EYS: variants seen among roughly 807,000 people sequenced by gnomAD.
The protein encoded by EYS is EGF-like photoreceptor maintenance factor.
In EYS, 250 loss-of-function variants were observed where a neutral mutation model predicts 282.1. The observed-to-expected ratio is 0.89, with a 90% CI of 0.80 to 0.98. The LOEUF is 0.98. EYS is among the 50% of genes least tolerant of loss of function. The pLI, the probability that EYS is intolerant of heterozygous loss-of-function variation, is 0.00. For synonymous variants in EYS, 1,355 were observed against 1,282.9 expected, an observed-to-expected ratio of 1.06 and a Z score of -1.20; for missense variants, 4,016 against 3,709.0, an observed-to-expected ratio of 1.08 and a Z score of -2.15.
chr6:65,480,508 C>T (rs1402625738), intron 5 of EYS, among the ~76,000 whole-genome samples: 2 of 152,022 alleles, frequency 1.3e-5, no homozygotes, highest in Non-Finnish European at 2.9e-5. Context: ...TATATTTCTG[C>T]CATTTCCTCA....
At chr6:64,693,005 C>T (rs1770446625) in intron 22 of EYS, among the ~76,000 whole-genome samples, 1 of 12,314 alleles carries the variant, frequency 8.1e-5, no homozygotes, top group African/African-American at 2.2e-4. Context: ...TTTTTGGTTC[C>T]AGAGGAATTT....
At position 65,410,747 on chromosome 6, in the gene EYS, CCT is replaced by C. The variant is rs555479126; in HGVS notation, c.863-5382_863-5381del. The stretch of plus-strand genomic sequence containing the variant: ...GTATACCAAAGAGATATTTTTACCC[CCT>C]GTTTATTGCAGCATGATTTATAATA... On this transcript the variant is annotated intron_variant, in intron 5 of 42. Transcript: ENST00000503581. Among the ~76,000 whole-genome samples the C allele has an allele frequency of 4.2e-3, 637 of 151,792 alleles. 4 individuals are homozygous for C. The highest frequency in any genetic ancestry group is 0.014 in the African/African-American group (596 of 41,442).
intron 31 of EYS, among the ~76,000 whole-genome samples, chr6:64,108,143 C>A (rs116324154): frequency 1.3e-5 from 2 of 152,048 alleles, no homozygotes; most frequent in East Asian, 3.9e-4. Flanking sequence ...ATTTTGAGGA[C>A]CTGATAGGGT....
intron 26 of EYS, among the ~76,000 whole-genome samples, chr6:64,492,469 T>TG (rs919614989): frequency 6.6e-6 from 1 of 151,112 alleles, no homozygotes; most frequent in Non-Finnish European, 1.5e-5. Flanking sequence ...GTCCTGTTTT[T>TG]TTGTTGTTGT....
chr6:64,659,610 C>T (rs932747480), intron 22 of EYS, among the ~76,000 whole-genome samples: 3 of 152,166 alleles, frequency 2.0e-5, no homozygotes, highest in African/African-American at 7.2e-5. Context: ...ATAAACACCT[C>T]TAAGCAAATA....
rs1044964991 is a variant in EYS, at chr6:65,271,747, T to C, written c.2023+24116A>G. On this transcript the variant is annotated intron_variant, in intron 12 of 42. Coordinates refer to ENST00000503581, the MANE Select transcript of EYS (RefSeq NM_001142800.2). ...ACAGGAGTGCACTACCACATCCAGC[T>C]AATTTTTTGTATTTTTAGTAGAGAC... Among the ~76,000 whole-genome samples the C allele has an allele frequency of 1.3e-4, 19 of 151,996 alleles. 1 individual carries two copies. The highest frequency in any genetic ancestry group is 4.6e-4 in the Admixed American group (7 of 15,246).
intron 2 of EYS, among the ~76,000 whole-genome samples, chr6:65,621,512 G>T (rs1425484088): frequency 6.7e-6 from 1 of 149,746 alleles, no homozygotes; most frequent in African/African-American, 2.5e-5. Context: ...TATCCAATTT[G>T]CCAGTCTGTG....
At position 65,539,345 on chromosome 6, in the gene EYS, A is replaced by G. The variant is rs1291491399; in HGVS notation, c.-332-43352T>C. Reference sequence around the variant, plus strand: ...ACTTTGATTTAAATTATAACACTACATAAGCCAAAGACATAGTTCTCATTC... The same window carrying G: ...ACTTTGATTTAAATTATAACACTACGTAAGCCAAAGACATAGTTCTCATTC... On this transcript the variant is annotated intron_variant, in intron 2 of 42. Coordinates refer to ENST00000503581, the MANE Select transcript of EYS (RefSeq NM_001142800.2). Among the ~76,000 whole-genome samples, 5 of 152,214 alleles carry G rather than the reference A, an allele frequency of 3.3e-5. No homozygotes were observed. The East Asian group carries it at 9.6e-4, about 29-fold the overall frequency.
At chr6:65,132,356 A>G (rs568508501) in intron 12 of EYS, among the ~76,000 whole-genome samples, 1 of 152,176 alleles carries the variant, frequency 6.6e-6, no homozygotes, top group East Asian at 1.9e-4. Flanking sequence ...GAAAAAGATA[A>G]TCCATCATAA....
At chr6:64,950,040 T>A (rs116584536) in intron 14 of EYS, among the ~76,000 whole-genome samples, 1,837 of 152,052 alleles carry the variant, frequency 0.012, 38 homozygotes, top group African/African-American at 0.042. Context: ...ATACATTACT[T>A]ATTTTTATAA....
intron 30 of EYS, among the ~76,000 whole-genome samples, chr6:64,296,436 T>A (rs1768990375): frequency 6.6e-6 from 1 of 151,848 alleles, no homozygotes; most frequent in Non-Finnish European, 1.5e-5. Flanking sequence ...TTATTCATGT[T>A]AACTTATGAG....
intron 33 of EYS, among the ~76,000 whole-genome samples, chr6:64,024,588 G>A (rs1452152491): frequency 6.6e-6 from 1 of 152,046 alleles, no homozygotes; most frequent in East Asian, 1.9e-4. Flanking sequence ...TCTTTGCAAT[G>A]AATCTTGCTG....
chr6:65,436,227 A>G (rs1582288663), intron 5 of EYS, among the ~76,000 whole-genome samples: 1 of 152,308 alleles, frequency 6.6e-6, no homozygotes, highest in African/African-American at 2.4e-5. Context: ...AAAATTCCAC[A>G]TACTTTTGAA....
At chr6:64,395,504 TC>T (rs1160730998) in intron 28 of EYS, among the ~76,000 whole-genome samples, 2 of 151,816 alleles carry the variant, frequency 1.3e-5, no homozygotes, top group Non-Finnish European at 2.9e-5. Flanking sequence ...AAATTGGAAA[TC>T]ATCATTCTCA....
chr6:65,075,064 A>T (rs1051489864), intron 12 of EYS, among the ~76,000 whole-genome samples: 5 of 152,062 alleles, frequency 3.3e-5, no homozygotes, highest in Admixed American at 1.3e-4. Context: ...TTTTCATATC[A>T]TGTTGTGAGT....
At chr6:65,449,568 G>A (rs1764327751) in intron 5 of EYS, among the ~76,000 whole-genome samples, 1 of 152,014 alleles carries the variant, frequency 6.6e-6, no homozygotes, top group African/African-American at 2.4e-5. Flanking sequence ...AAAGCTACTA[G>A]TAGCTGAATG....
intron 12 of EYS, among the ~76,000 whole-genome samples, chr6:65,108,642 A>T (rs1206337661): frequency 2.6e-5 from 4 of 152,110 alleles, no homozygotes; most frequent in African/African-American, 7.2e-5. Context: ...TCAAGAGGCA[A>T]TTGACTCTTA....
At chr6:65,313,641 C>T (rs2150300183) in intron 11 of EYS, among the ~76,000 whole-genome samples, 1 of 151,792 alleles carries the variant, frequency 6.6e-6, no homozygotes, top group Admixed American at 6.6e-5. Flanking sequence ...TACTAAATAC[C>T]CTTTGTCTCT....
chr6:64,250,497 G>A (rs1767174555), intron 30 of EYS, among the ~76,000 whole-genome samples: 1 of 152,098 alleles, frequency 6.6e-6, no homozygotes, highest in Admixed American at 6.6e-5. Flanking sequence ...TAACATATTA[G>A]GCTTAATAAA....
Sources: allele counts gnomAD v4.1 joint callset (sites outside exome capture counted in the v4.1 genomes callset), GRCh38; gene constraint gnomAD v4.1.1; transcripts MANE v1.5; gene names NCBI Gene and HGNC (gene_info 2026-07-23, HGNC 2026-07-21).